Variants in CLN8 observed in about 807,000 individuals in gnomAD.
The protein encoded by CLN8 is protein CLN8.
Under a neutral mutation model 15.7 loss-of-function variants are expected in CLN8, and 14 were observed. That is an observed-to-expected ratio of 0.89 (90% CI 0.59 to 1.39). The LOEUF (loss-of-function observed/expected upper bound fraction) is 1.39, where lower values mean the gene tolerates loss of function less well. CLN8 is among the 40% of genes most tolerant of loss of function. The probability of loss-of-function intolerance (pLI) is 0.00; values close to 1 mark genes in which losing one functional copy is unlikely to be tolerated. For synonymous variants in CLN8, 188 were observed against 151.0 expected (o/e 1.25, Z -1.80); for missense variants, 415 against 364.0 (o/e 1.14, Z -1.14).
upstream of CLN8, among the ~76,000 whole-genome samples, chr8:1,755,365 G>A (rs1012402574): frequency 2.0e-5 from 3 of 152,066 alleles, no homozygotes; most frequent in African/African-American, 7.2e-5. Context: ...GACTCCCCTC[G>A]CTCTTCCCAT....
rs1389869153 is a variant in CLN8 at position 1,783,286 on chromosome 8, T to C, written c.*2719T>C. 6.6e-6 allele frequency: 1 copy of C among 152,266 alleles called. No individual in the cohort carries two copies. Among genetic ancestry groups the C allele is most frequent in the Non-Finnish European group, 1.5e-5 (1 of 68,044 alleles). 9.4% of individuals were successfully genotyped at this position (152,266 alleles called of 1,614,324 possible). ...CGTGTGTGCTGCGTGCTTCACATCC[T>C]CTATTGAGAGTTACAGCAAGTGTTA... On this transcript the variant is annotated 3_prime_UTR_variant, in exon 3 of 3. Coordinates refer to ENST00000331222, the MANE Select transcript of CLN8 (RefSeq NM_018941.4).
At chr8:1,779,445 A>G (rs956508931) in intron 2 of CLN8, among the ~76,000 whole-genome samples, 7 of 152,206 alleles carry the variant, frequency 4.6e-5, no homozygotes, top group African/African-American at 1.4e-4. Context: ...GGGCTTCGCC[A>G]TGTTGGCCAG....
At chr8:1,772,575 C>T (rs868696421) in intron 2 of CLN8, among the ~76,000 whole-genome samples, 4 of 152,180 alleles carry the variant, frequency 2.6e-5, no homozygotes, top group Middle Eastern at 3.2e-3. Flanking sequence ...TCTCTTGCCT[C>T]AGCCTCCCAA....
upstream of CLN8, among the ~76,000 whole-genome samples, chr8:1,754,595 ACTT>A (rs767914741): frequency 1.9e-4 from 29 of 152,304 alleles, no homozygotes; most frequent in Non-Finnish European, 3.8e-4. Flanking sequence ...GCAGTGATAT[ACTT>A]CTTCTCCAAA....
At chr8:1,753,583 AAAGAAAG>A (rs1480647544), upstream of CLN8, among the ~76,000 whole-genome samples, 411 of 141,126 alleles carry the variant, frequency 2.9e-3, 2 homozygotes, top group Non-Finnish European at 4.8e-3. Flanking sequence ...AAAAAAAAAA[AAAGAAAG>A]AAAAAGAAAA....
chr8:1,775,342 A>G (rs999108840), intron 2 of CLN8, among the ~76,000 whole-genome samples: 3 of 152,196 alleles, frequency 2.0e-5, no homozygotes, highest in Non-Finnish European at 4.4e-5. Flanking sequence ...GAGCCCAGGA[A>G]CCAGTCCCCC....
At chr8:1,757,390 G>C (rs1175881125) in intron 1 of CLN8, among the ~76,000 whole-genome samples, 1 of 152,216 alleles carries the variant, frequency 6.6e-6, no homozygotes, top group Non-Finnish European at 1.5e-5. Flanking sequence ...CCCCACAGTA[G>C]CTATCTTTGT....
intron 2 of CLN8, among the ~76,000 whole-genome samples, chr8:1,777,952 C>T (rs992611912): frequency 6.6e-6 from 1 of 152,254 alleles, no homozygotes; most frequent in Non-Finnish European, 1.5e-5. Flanking sequence ...GAACCACTGT[C>T]TATACACTGT....
At chr8:1,760,074 T>G (rs1585119299), upstream of CLN8, 1 of 152,256 alleles carries the variant, frequency 6.6e-6, no homozygotes, top group East Asian at 1.9e-4. Flanking sequence ...AATTAAGTCA[T>G]TTTGGTTGTC....
upstream of CLN8, chr8:1,763,754 G>C (rs1418008304): frequency 6.8e-6 from 1 of 147,648 alleles, no homozygotes. Context: ...ACGCGCGTGC[G>C]AACGCGCGTG....
upstream of CLN8, among the ~76,000 whole-genome samples, chr8:1,753,671 G>A (rs536002553): frequency 6.6e-6 from 1 of 151,442 alleles, no homozygotes; most frequent in East Asian, 1.9e-4. Flanking sequence ...AGATCATGAG[G>A]TCAGGAGATC....
intron 2 of CLN8, among the ~76,000 whole-genome samples, chr8:1,778,387 C>G (rs1013943513): frequency 1.3e-5 from 2 of 152,252 alleles, no homozygotes; most frequent in Non-Finnish European, 2.9e-5. Flanking sequence ...ACTTAACCAT[C>G]CGGAACTGAC....
At chr8:1,758,213 T>A (rs1563097431) in intron 1 of CLN8, 1 of 152,254 alleles carries the variant, frequency 6.6e-6, no homozygotes, top group African/African-American at 2.4e-5. Flanking sequence ...GAAAGACAGT[T>A]TTCTATAATG....
chr8:1,756,438 C>G (rs111739251), intron 1 of CLN8, among the ~76,000 whole-genome samples: 2 of 150,116 alleles, frequency 1.3e-5, no homozygotes, highest in Admixed American at 6.6e-5. Flanking sequence ...GAGCCGAGAC[C>G]GCACCATTTC....
intron 2 of CLN8, among the ~76,000 whole-genome samples, chr8:1,779,318 G>C (rs1027033807): frequency 6.6e-6 from 1 of 152,162 alleles, no homozygotes; most frequent in Non-Finnish European, 1.5e-5. Context: ...TCTCAGCTCA[G>C]TGCAGTCTCT....
At chr8:1,755,457 C>G (rs1800648383), upstream of CLN8, among the ~76,000 whole-genome samples, 1 of 152,184 alleles carries the variant, frequency 6.6e-6, no homozygotes, top group African/African-American at 2.4e-5. Context: ...CCTTTGTGGT[C>G]TGGCAAGAAG....
intron 1 of CLN8, among the ~76,000 whole-genome samples, chr8:1,768,039 G>A (rs940713423): frequency 2.6e-5 from 4 of 151,472 alleles, no homozygotes; most frequent in Non-Finnish European, 5.9e-5. Context: ...ACCCTCCTGG[G>A]TTCCAGAAAT....
chr8:1,765,217 A>G (rs1301785986), intron 1 of CLN8: 1 of 152,274 alleles, frequency 6.6e-6, no homozygotes, highest in Non-Finnish European at 1.5e-5. Flanking sequence ...GCCTGGTAGG[A>G]CACCGGGTAG....
chr8:1,762,624 C>T (rs1800827737), upstream of CLN8: 1 of 152,306 alleles, frequency 6.6e-6, no homozygotes, highest in East Asian at 1.9e-4. Flanking sequence ...CCCACATGTA[C>T]TAAAGGGTTA....
Sources: allele counts gnomAD v4.1 joint callset (sites outside exome capture counted in the v4.1 genomes callset), GRCh38; gene constraint gnomAD v4.1.1; transcripts MANE v1.5; gene names NCBI Gene and HGNC (gene_info 2026-07-23, HGNC 2026-07-21).